MTF1: variants seen among roughly 807,000 people sequenced by gnomAD.
MTF1 encodes metal regulatory transcription factor 1.
MTF1 carries 22 observed loss-of-function variants against 70.4 expected under a neutral mutation model. The ratio of observed to expected loss-of-function variants is 0.31; its 90% confidence interval spans 0.22 to 0.45. The LOEUF (loss-of-function observed/expected upper bound fraction) is 0.45, where lower values mean the gene tolerates loss of function less well. Ranked by LOEUF, MTF1 falls within the 20% of genes least tolerant of loss-of-function variation. The pLI is 1.00. For missense variants in MTF1, 649 were observed against 922.0 expected (o/e 0.70, Z 3.83); for synonymous variants, 333 against 352.8 (o/e 0.94, Z 0.63).
In MTF1 at chr1:37,823,830, A is replaced by C. The variant is rs528361698; in HGVS notation, c.1069-18T>G. On this transcript the variant is annotated intron_variant, in intron 7 of 10. Coordinates refer to ENST00000373036, the MANE Select transcript of MTF1 (RefSeq NM_005955.3). The stretch of plus-strand genomic sequence containing the variant: ...CCCTGGGTCTGATGGAGAGAGACAA[A>C]GATGTGAGATTGGCCATCTTGAGAC... The C allele has an allele frequency of 6.3e-7, 1 of 1,581,546 alleles. No homozygotes were observed. Among genetic ancestry groups the C allele is most frequent in the Non-Finnish European group, 8.7e-7 (1 of 1,150,624 alleles).
intron 6 of MTF1, among the ~76,000 whole-genome samples, chr1:37,833,064 C>T (rs1641112666): frequency 6.6e-6 from 1 of 151,762 alleles, no homozygotes. Context: ...ATGACTAAGG[C>T]TCCAAAGTAA....
intron 3 of MTF1, 146 bp downstream of exon 3, chr1:37,839,774 G>A: frequency 1.5e-6 from 1 of 654,152 alleles, no homozygotes; most frequent in Non-Finnish European, 2.6e-6. Context: ...CTGAGATCTG[G>A]CAGAAATGAA....
intron 2 of MTF1, among the ~76,000 whole-genome samples, chr1:37,842,028 G>A (rs1415804931): frequency 6.6e-6 from 1 of 151,342 alleles, no homozygotes; most frequent in Non-Finnish European, 1.5e-5. Context: ...ACCAGACCTG[G>A]CCTCAAAAAA....
At chr1:37,838,797 C>CATTTTTTTTTTTTTTTTTT in intron 3 of MTF1, 41 bp from the exon 4 acceptor site, 3 of 473,684 alleles carry the variant, frequency 6.3e-6, no homozygotes, top group Non-Finnish European at 8.6e-6. Context: ...TCATAAAATT[C>CATTTTTTTTTTTTTTTTTT]TTTTTTTTTT....
rs1640683672 is a variant in MTF1 at position 37,810,005 on chromosome 1, C to CTGAAAAT, written c.*5130_*5131insATTTTCA. 6.6e-6 allele frequency: 1 copy of CTGAAAAT among 152,394 alleles called. No homozygotes were observed. Among genetic ancestry groups the CTGAAAAT allele is most frequent in the Non-Finnish European group, 1.5e-5 (1 of 68,016 alleles). 9.4% of individuals were successfully genotyped at this position (152,394 alleles called of 1,614,324 possible). On this transcript the variant is annotated 3_prime_UTR_variant, in exon 11 of 11. Coordinates refer to ENST00000373036, the MANE Select transcript of MTF1 (RefSeq NM_005955.3). ...CCAGAAATTCAGCAAAAATCTGTTT[C>CTGAAAAT]CAGCCACCCTCCCCAAATAGGGACT...
chr1:37,832,987 C>G (rs893244726), intron 6 of MTF1, among the ~76,000 whole-genome samples: 2 of 148,536 alleles, frequency 1.3e-5, no homozygotes, highest in Non-Finnish European at 3.0e-5. Context: ...GCCTGGGCGA[C>G]AAGAGTGAGA....
At chr1:37,820,425 C>T (rs1640893431) in intron 9 of MTF1, among the ~76,000 whole-genome samples, 1 of 152,226 alleles carries the variant, frequency 6.6e-6, no homozygotes, top group Admixed American at 6.5e-5. Context: ...GCTTAAATCC[C>T]AGCTTTGCCA....
intron 4 of MTF1, among the ~76,000 whole-genome samples, chr1:37,837,742 A>G (rs750419589): frequency 9.9e-5 from 15 of 151,986 alleles, no homozygotes; most frequent in Non-Finnish European, 1.8e-4. Context: ...CTAACCTCAC[A>G]TGATCCACCT....
At chr1:37,852,147 CTCTT>C (rs1464660378) in intron 2 of MTF1, among the ~76,000 whole-genome samples, 1 of 152,154 alleles carries the variant, frequency 6.6e-6, no homozygotes, top group African/African-American at 2.4e-5. Context: ...TCTTGGGTTC[CTCTT>C]TCTCTTTCCA....
intron 6 of MTF1, chr1:37,834,689 CAGA>C (rs754168105): frequency 4.5e-5 from 21 of 461,848 alleles, no homozygotes; most frequent in Non-Finnish European, 7.4e-5. Context: ...ATGAAGTAAT[CAGA>C]AGAAGTGATG....
intron 6 of MTF1, among the ~76,000 whole-genome samples, chr1:37,833,816 C>T (rs1369710334): frequency 6.6e-6 from 1 of 151,844 alleles, no homozygotes; most frequent in Non-Finnish European, 1.5e-5. Context: ...CAACCATGCA[C>T]ATATCTAGAG....
At chr1:37,825,286 G>C (rs1241597859) in intron 7 of MTF1, among the ~76,000 whole-genome samples, 1 of 152,100 alleles carries the variant, frequency 6.6e-6, no homozygotes. Flanking sequence ...GCCCAGGCTG[G>C]AGTGCAGTGG....
Position 37,857,545 on chromosome 1 carries a change from G to A in MTF1, c.114C>T (p.Ser38=). The A allele has an allele frequency of 6.2e-7, 1 of 1,614,210 alleles. No homozygotes were observed. Among genetic ancestry groups the A allele is most frequent in the Non-Finnish European group, 8.5e-7 (1 of 1,180,054 alleles). Residue 38 remains serine (S), a synonymous_variant, in exon 2 of 11, where the codon TCC becomes TCT. Coordinates refer to ENST00000373036, the MANE Select transcript of MTF1 (RefSeq NM_005955.3). ...RFVDKNGLVP[S]SSGTVYDRTT... ...TCCTATCATAAACAGTTCCAGATGA[G>A]GAAGGCACCAGTCCGTTTTTATCCA...
chr1:37,819,117 A>G (rs1640869715), intron 9 of MTF1, among the ~76,000 whole-genome samples: 1 of 152,210 alleles, frequency 6.6e-6, no homozygotes, highest in Non-Finnish European at 1.5e-5. Context: ...GCGGCCCTCC[A>G]GATGTGGCCT....
rs61734999 is a variant in MTF1 at position 37,822,570 on chromosome 1, G to A, written c.1318C>T (p.Pro440Ser). ...PPQPLLPASA[P>S]SAPPPAPSLG... is the part of the protein sequence containing the mutation. Reference sequence around the variant, plus strand: ...GAGGGAGCAGGCGGAGGAGCAGACGGAGCTGAGGCAGGTAGTAGAGGCTGG... The same window carrying A: ...GAGGGAGCAGGCGGAGGAGCAGACGAAGCTGAGGCAGGTAGTAGAGGCTGG... The change falls in exon 9 of 11, where the codon CCG (proline) becomes TCG (serine). Residue 440 changes from proline (P) to serine (S), a missense_variant. Physicochemically the swap from Pro to Ser is moderately conservative, Grantham distance 74 (BLOSUM62 -1). Transcript: ENST00000373036. The A allele has an allele frequency of 7.8e-4, 1,262 of 1,614,064 alleles. 7 individuals are homozygous for A. The African/African-American group carries it at 0.015, about 20-fold the overall frequency.
At position 37,815,796 on chromosome 1, in the gene MTF1, A is replaced by G. The variant is rs1640810908; in HGVS notation, c.1832-230T>C. On this transcript the variant is annotated intron_variant, in intron 10 of 10. Coordinates refer to ENST00000373036, the MANE Select transcript of MTF1 (RefSeq NM_005955.3). This position sits in a 1 kb window ranked among gnomAD's most constrained non-coding sequence, Gnocchi z 4.5. ...CCCGTTTCCTTAGAAAGTCACACAC[A>G]CGATCTAGATGCACCCTGTATTTCC... Among the ~76,000 whole-genome samples the G allele has an allele frequency of 6.6e-6, 1 of 152,046 alleles. No individual in the cohort carries two copies. The highest frequency in any genetic ancestry group is 1.5e-5 in the Non-Finnish European group (1 of 68,006).
At chr1:37,831,320 T>C (rs188399811) in intron 7 of MTF1, among the ~76,000 whole-genome samples, 8 of 152,160 alleles carry the variant, frequency 5.3e-5, no homozygotes, top group Non-Finnish European at 1.0e-4. Context: ...CTCAGCAGGC[T>C]TGGGGGGAGG....
At chr1:37,845,885 A>G (rs1641324582) in intron 2 of MTF1, among the ~76,000 whole-genome samples, 1 of 152,206 alleles carries the variant, frequency 6.6e-6, no homozygotes, top group African/African-American at 2.4e-5. Flanking sequence ...AATGCTGAAT[A>G]AATGAGTAAT....
intron 4 of MTF1, among the ~76,000 whole-genome samples, chr1:37,837,686 AG>A (rs1462544173): frequency 2.0e-5 from 3 of 151,998 alleles, no homozygotes; most frequent in Non-Finnish European, 4.4e-5. Context: ...TTGTAGTTTT[AG>A]TAGAGATGTG....
Sources: allele counts gnomAD v4.1 joint callset (sites outside exome capture counted in the v4.1 genomes callset), GRCh38; gene constraint gnomAD v4.1.1; non-coding constraint Gnocchi (gnomAD v3.1); transcripts MANE v1.5; gene names NCBI Gene and HGNC (gene_info 2026-07-23, HGNC 2026-07-21).